The following PLPP2 variants were observed in gnomAD, a reference collection of about 807,000 sequenced individuals.
PLPP2 encodes the protein PAP2-gamma.
A neutral mutation model predicts 35.2 loss-of-function variants in PLPP2; 29 were observed. The ratio of observed to expected loss-of-function variants is 0.82; its 90% CI spans 0.61 to 1.12. PLPP2 has a LOEUF of 1.12. Among genes scored for constraint, PLPP2 ranks in the 50% most tolerant of loss-of-function variants. The probability of loss-of-function intolerance (pLI) is 0.00; values close to 1 mark genes in which losing one functional copy is unlikely to be tolerated. For synonymous variants in PLPP2, 162 were observed against 167.0 expected (o/e 0.97, Z 0.23); for missense variants, 353 against 375.2 (o/e 0.94, Z 0.49).
chr19:284,977 G>T (rs182676046), intron 3 of PLPP2: 1 of 151,294 alleles, frequency 6.6e-6, no homozygotes, highest in African/African-American at 2.4e-5. Context: ...TTAGCTGGGC[G>T]CAGAGGCACA....
chr19:289,464 T>TCACGCCTGTAATCC (rs61703664), intron 1 of PLPP2, among the ~76,000 whole-genome samples: 91,716 of 151,348 alleles, frequency 0.61, 28,256 homozygotes, highest in Admixed American at 0.63. Context: ...GCGTGGTGGC[T>TCACGCCTGTAATCC]CAGCACTTTG....
chr19:281,933 G>A, intron 5 of PLPP2: 1 of 587,142 alleles, frequency 1.7e-6, no homozygotes, highest in East Asian at 3.0e-5. Flanking sequence ...GGACTGGGGA[G>A]AAGGGGTCCA....
Position 287,957 on chromosome 19 carries a change from C to T in PLPP2, c.204+63G>A. The T allele has an allele frequency of 6.6e-7, 1 of 1,519,784 alleles. No individual in the cohort carries two copies. The highest frequency in any genetic ancestry group is 8.8e-7 in the Non-Finnish European group (1 of 1,135,278). The allele number at this position is 1,519,784 out of a possible 1,614,324, so 94.1% of individuals were successfully genotyped here. ...GCTGTGCCACCCCCCCATCAGGCCC[C>T]CAGGGTAAAGCTGGCCCCACCCCAT... On this transcript the variant is annotated intron_variant, in intron 2 of 5. Coordinates refer to ENST00000434325, the MANE Select transcript of PLPP2 (RefSeq NM_003712.4). The surrounding 1 kb of genome is among the most constrained non-coding windows in gnomAD (Gnocchi z 4.3).
chr19:289,762 C>A (rs952052504), intron 1 of PLPP2, among the ~76,000 whole-genome samples: 2 of 152,006 alleles, frequency 1.3e-5, no homozygotes, highest in Admixed American at 6.5e-5. Context: ...GCGGAGAGGG[C>A]GGGATGTAAG....
chr19:283,033 CT>C, intron 3 of PLPP2: 1 of 549,510 alleles, frequency 1.8e-6, no homozygotes, highest in Non-Finnish European at 3.2e-6. Context: ...CGTGAAGACT[CT>C]GAGGCCTGAA....
intron 4 of PLPP2, 44 bp downstream of exon 4, chr19:282,708 G>A (rs1970204482): frequency 2.5e-6 from 4 of 1,572,176 alleles, no homozygotes; most frequent in Admixed American, 1.7e-5. Flanking sequence ...GAGTGATTTA[G>A]CCATGGTTCC....
In PLPP2 at chr19:282,895, G is replaced by A. The variant is rs532909774; in HGVS notation, c.483-86C>T. On this transcript the variant is annotated intron_variant, in intron 3 of 5. Coordinates refer to ENST00000434325, the MANE Select transcript of PLPP2 (RefSeq NM_003712.4). ...GCCCCGCCCACAGAAGGGAGGGCTC[G>A]ACACGGAGGCTGCTGCTGTTAGATG... 2.0e-4 allele frequency: 256 copies of A among 1,257,016 alleles called. 2 individuals carry two copies. In the African/African-American group the frequency reaches 3.1e-3, roughly 15 times the overall value. The allele number at this position is 1,257,016 out of a possible 1,614,324, so 77.9% of individuals were successfully genotyped here. A position where few individuals can be genotyped will look rare whatever the true frequency, so the allele number is the denominator to read the frequency against.
At chr19:283,507 G>T (rs908322183) in intron 3 of PLPP2, 14 of 152,354 alleles carry the variant, frequency 9.2e-5, no homozygotes, top group African/African-American at 2.4e-4. Context: ...CTACCTGGGG[G>T]ATATTTGTAG....
At chr19:288,347 A>C in intron 1 of PLPP2, 176 bp from the exon 2 acceptor site, 1 of 546,066 alleles carries the variant, frequency 1.8e-6, no homozygotes, top group Non-Finnish European at 3.0e-6. Context: ...GACAAACACA[A>C]ACTCCTCAGG....
At chr19:290,672 G>A (rs1267233903) in intron 1 of PLPP2, among the ~76,000 whole-genome samples, 1 of 152,214 alleles carries the variant, frequency 6.6e-6, no homozygotes, top group Non-Finnish European at 1.5e-5. Context: ...AAACCCGCCG[G>A]ACAGGTTTGG....
At chr19:281,876 C>T in intron 5 of PLPP2, 1 of 495,898 alleles carries the variant, frequency 2.0e-6, no homozygotes, top group Non-Finnish European at 3.5e-6. Context: ...GGAAGGGGTC[C>T]CAGGGGAGGA....
intron 4 of PLPP2, among the ~76,000 whole-genome samples, 200 bp from the exon 5 acceptor site, chr19:282,510 CT>C (rs1439821928): frequency 7.2e-6 from 1 of 139,030 alleles, no homozygotes; most frequent in Admixed American, 6.9e-5. Flanking sequence ...CCCCCTCCCC[CT>C]GCACAGACGT....
At chr19:284,522 C>T (rs80015295) in intron 3 of PLPP2, 10,863 of 152,192 alleles carry the variant, frequency 0.071, 472 homozygotes, top group Middle Eastern at 0.1. Context: ...GATCCTCCTG[C>T]CTCACCCTCC....
Position 287,928 on chromosome 19 carries a change from CA to C in PLPP2, c.204+91del. ...CCCGGCCCCACACAGACCTCCAGGG[CA>C]GGGCTGTGCCACCCCCCCATCAGGC... On this transcript the variant is annotated intron_variant, in intron 2 of 5. Coordinates refer to ENST00000434325, the MANE Select transcript of PLPP2 (RefSeq NM_003712.4). This position sits in a 1 kb window ranked among gnomAD's most constrained non-coding sequence, Gnocchi z 4.3. 1 of 1,539,444 alleles carries C rather than the reference CA, an allele frequency of 6.5e-7. No homozygotes were observed. The highest frequency in any genetic ancestry group is 8.8e-7 in the Non-Finnish European group (1 of 1,132,836).
At chr19:289,972 C>T (rs929104975) in intron 1 of PLPP2, among the ~76,000 whole-genome samples, 1 of 152,182 alleles carries the variant, frequency 6.6e-6, no homozygotes, top group African/African-American at 2.4e-5. Flanking sequence ...GCCCCAGCAA[C>T]TCCAACTAGA....
Position 288,167 on chromosome 19 carries a change from G to A in PLPP2, c.57C>T (p.Ser19=), listed in dbSNP as rs1260148044. Residue 19 remains serine (S), a synonymous_variant, in exon 2 of 6, where the codon TCC becomes TCT. Coordinates refer to ENST00000434325, the MANE Select transcript of PLPP2 (RefSeq NM_003712.4). ...CCAGCGTCAGGATAGCGAAGGGCAG[G>A]GAGGCTGGTGGGGAAGAAAAGCCTG... is the stretch of plus-strand genomic sequence containing the variant. ...LLDVLCLLVA[S]LPFAILTLVN... 1 of 1,572,998 alleles carries A rather than the reference G, an allele frequency of 6.4e-7. No individual in the cohort carries two copies. The highest frequency in any genetic ancestry group is 8.7e-7 in the Non-Finnish European group (1 of 1,154,860).
intron 1 of PLPP2, among the ~76,000 whole-genome samples, chr19:289,396 A>ATC (rs1970337546): frequency 6.6e-6 from 1 of 152,186 alleles, no homozygotes; most frequent in East Asian, 1.9e-4. Context: ...AAGAAAACAG[A>ATC]GGCCTGCCTC....
chr19:288,358 C>T (rs568174221), intron 1 of PLPP2, 187 bp from the exon 2 acceptor site: 8 of 502,622 alleles, frequency 1.6e-5, no homozygotes, highest in East Asian at 1.4e-4. Flanking sequence ...ACTCCTCAGG[C>T]GCTCTGCCCC....
intron 3 of PLPP2, 91 bp from the exon 4 acceptor site, chr19:282,900 G>A (rs1257140229): frequency 1.0e-5 from 12 of 1,185,090 alleles, no homozygotes; most frequent in African/African-American, 6.1e-5. Flanking sequence ...GGCTCGACAC[G>A]GAGGCTGCTG....
Sources: gnomAD v4.1 joint callset for allele counts (sites outside exome capture counted in the v4.1 genomes callset) on GRCh38, gnomAD v4.1.1 for gene constraint, Gnocchi (gnomAD v3.1) non-coding constraint, MANE v1.5 for transcripts, NCBI Gene and HGNC (gene_info 2026-07-23, HGNC 2026-07-21) for gene names.